Variants in SEH1L observed in about 807,000 individuals in gnomAD.
The protein encoded by SEH1L is SEH1 like nucleoporin, also known as nucleoporin SEH1.
In SEH1L, 18 loss-of-function variants were observed where a neutral mutation model predicts 49.5. The ratio of observed to expected loss-of-function variants is 0.36; its 90% confidence interval spans 0.25 to 0.54. SEH1L has a LOEUF of 0.54. Among genes scored for constraint, SEH1L ranks in the 20% least tolerant of loss-of-function variants. The pLI, the probability that SEH1L is intolerant of heterozygous loss-of-function variation, is 0.87. For missense variants in SEH1L, 404 were observed against 528.8 expected (o/e 0.76, Z 2.31); for synonymous variants, 169 against 178.1 (o/e 0.95, Z 0.41).
intron 4 of SEH1L, among the ~76,000 whole-genome samples, chr18:12,967,879 A>C (rs993906316): frequency 1.3e-5 from 2 of 151,902 alleles, no homozygotes; most frequent in Middle Eastern, 3.4e-3. Context: ...ATGCCACTGC[A>C]CTCCAGCCTG....
At chr18:12,961,400 A>G (rs28534710) in intron 3 of SEH1L, among the ~76,000 whole-genome samples, 44,955 of 151,942 alleles carry the variant, frequency 0.3, 7,262 homozygotes, top group East Asian at 0.58. Context: ...AAGTTTAACA[A>G]CTGCCTGATC....
chr18:12,980,207 G>A (rs1321568638), intron 6 of SEH1L, among the ~76,000 whole-genome samples: 5 of 138,628 alleles, frequency 3.6e-5, no homozygotes, highest in Non-Finnish European at 6.3e-5. Flanking sequence ...GGCCGGGCGG[G>A]GGGCTGACCC....
chr18:12,965,367 C>G (rs2031403043), intron 4 of SEH1L, among the ~76,000 whole-genome samples: 1 of 152,300 alleles, frequency 6.6e-6, no homozygotes, highest in Admixed American at 6.5e-5. Context: ...TATTTACATT[C>G]TGTAAACATT....
chr18:12,978,229 A>C (rs2032005607), intron 5 of SEH1L: 1 of 152,394 alleles, frequency 6.6e-6, no homozygotes, highest in Admixed American at 6.5e-5. Flanking sequence ...TAGGGCTGCC[A>C]TAACAAATTA....
intron 8 of SEH1L, chr18:12,985,522 A>G: frequency 8.2e-7 from 1 of 1,216,174 alleles, no homozygotes. Flanking sequence ...CAATTTTTTG[A>G]AATGTTCCTG....
intron 7 of SEH1L, among the ~76,000 whole-genome samples, chr18:12,983,556 T>A (rs540100263): frequency 3.3e-5 from 5 of 152,354 alleles, no homozygotes; most frequent in African/African-American, 1.2e-4. Flanking sequence ...TCATTCAAAC[T>A]AATAAGGCCA....
chr18:12,958,471 A>G (rs1356723934), intron 3 of SEH1L, among the ~76,000 whole-genome samples: 2 of 152,160 alleles, frequency 1.3e-5, no homozygotes, highest in Non-Finnish European at 2.9e-5. Flanking sequence ...TCTGTACTCA[A>G]AACTGTTCAT....
intron 4 of SEH1L, among the ~76,000 whole-genome samples, chr18:12,969,005 G>A (rs1461011221): frequency 2.0e-5 from 3 of 152,118 alleles, no homozygotes; most frequent in Non-Finnish European, 4.4e-5. Context: ...AAGGTCGGGA[G>A]TTCGAGACCA....
In SEH1L at chr18:12,965,893, T is replaced by G. The variant is rs529704687; in HGVS notation, c.521+2522T>G. Among the ~76,000 whole-genome samples, 3 of 152,208 alleles carry G rather than the reference T, an allele frequency of 2.0e-5. No individual in the cohort carries two copies. In the South Asian group the frequency reaches 6.2e-4, roughly 32 times the overall value. ...GTCTAGTGTATTCATTAGAGAAAAT[T>G]TCAGATACACCAGAAGTAACAGAAG... is the stretch of plus-strand genomic sequence containing the variant. On this transcript the variant is annotated intron_variant, in intron 4 of 8. Transcript: ENST00000399892.
chr18:12,948,020 C>G lies in SEH1L; in HGVS notation c.-102C>G. 1 of 777,736 alleles carries G rather than the reference C, an allele frequency of 1.3e-6. No homozygotes were observed. The highest frequency in any genetic ancestry group is 2.1e-6 in the Non-Finnish European group (1 of 483,022). The allele number at this position is 777,736 out of a possible 1,614,324, so 48.2% of individuals were successfully genotyped here. The stretch of plus-strand genomic sequence containing the variant: ...GTGCGGGGGCGTGGGCAGCACAAGC[C>G]GTGCGCTCCCGGGCTGCGAGGTCTG... On this transcript the variant is annotated 5_prime_UTR_variant, in exon 1 of 9. Coordinates refer to ENST00000399892, the MANE Select transcript of SEH1L (RefSeq NM_001013437.2).
At chr18:12,983,457 T>TAGGGGCA in intron 7 of SEH1L, among the ~76,000 whole-genome samples, 1 of 152,232 alleles carries the variant, frequency 6.6e-6, no homozygotes, top group Non-Finnish European at 1.5e-5. Flanking sequence ...TTTCTGCCTT[T>TAGGGGCA]AGGCTTTATT....
intron 5 of SEH1L, chr18:12,978,098 G>A (rs1447199198): frequency 6.6e-6 from 1 of 152,322 alleles, no homozygotes; most frequent in Non-Finnish European, 1.5e-5. Flanking sequence ...AAAATGCTGG[G>A]ATTACAGGTG....
intron 6 of SEH1L, among the ~76,000 whole-genome samples, chr18:12,981,511 G>A (rs934304829): frequency 2.6e-5 from 4 of 152,230 alleles, no homozygotes; most frequent in Non-Finnish European, 5.9e-5. Flanking sequence ...AGACCAGCCC[G>A]GCCAACACCT....
At chr18:12,952,193 A>T (rs1395025782) in intron 2 of SEH1L, among the ~76,000 whole-genome samples, 2 of 55,736 alleles carry the variant, frequency 3.6e-5, no homozygotes, top group African/African-American at 6.0e-5. Context: ...GTTTTCTCTT[A>T]AAAAAAAAAA....
intron 4 of SEH1L, among the ~76,000 whole-genome samples, chr18:12,964,674 T>G (rs1326098931): frequency 6.8e-6 from 1 of 147,994 alleles, no homozygotes; most frequent in Non-Finnish European, 1.5e-5. Flanking sequence ...CTTGCCCTAT[T>G]GCCCAGGCTG....
At chr18:12,980,825 A>G (rs1598979210) in intron 6 of SEH1L, among the ~76,000 whole-genome samples, 1 of 91,718 alleles carries the variant, frequency 1.1e-5, no homozygotes, top group African/African-American at 4.3e-5. Context: ...CGGGGGGCTG[A>G]CCCCCCCACT....
chr18:12,982,855 GT>G, intron 7 of SEH1L, 180 bp downstream of exon 7: 1 of 514,376 alleles, frequency 1.9e-6, no homozygotes, highest in Non-Finnish European at 3.4e-6. Context: ...TGACTGAATT[GT>G]TTTTTAAGTT....
rs921451844 is a variant in SEH1L at position 12,985,514 on chromosome 18, A to G, written c.1070+1324A>G. ...CTGTTGAGACATTGTCACCAAAACA[A>G]TTTTTTGAAATGTTCCTGAAACTAA... On this transcript the variant is annotated intron_variant, in intron 8 of 8. Coordinates refer to ENST00000399892, the MANE Select transcript of SEH1L (RefSeq NM_001013437.2). The G allele has an allele frequency of 4.9e-6, 6 of 1,218,456 alleles. 1 individual carries two copies. The highest frequency in any genetic ancestry group is 6.1e-6 in the Non-Finnish European group (6 of 979,306). 75.5% of individuals were successfully genotyped at this position (1,218,456 alleles called of 1,614,324 possible). A position where few individuals can be genotyped will look rare whatever the true frequency, so the allele number is the denominator to read the frequency against.
At chr18:12,958,297 G>T (rs2031001078) in intron 3 of SEH1L, among the ~76,000 whole-genome samples, 1 of 151,346 alleles carries the variant, frequency 6.6e-6, no homozygotes, top group South Asian at 2.1e-4. Flanking sequence ...TGTTGGTCAG[G>T]CTGGTCACGA....
Sources: gnomAD v4.1 joint callset for allele counts (sites outside exome capture counted in the v4.1 genomes callset) on GRCh38, gnomAD v4.1.1 for gene constraint, MANE v1.5 for transcripts, NCBI Gene and HGNC (gene_info 2026-07-23, HGNC 2026-07-21) for gene names.